The following ADGRV1 variants were observed in gnomAD, a reference collection of about 807,000 sequenced individuals.
ADGRV1 encodes the protein adhesion G protein-coupled receptor V1.
A neutral mutation model predicts 596.2 loss-of-function variants in ADGRV1; 359 were observed. That is an observed-to-expected ratio of 0.60 (90% CI 0.55 to 0.66). ADGRV1 has a LOEUF of 0.66. Ranked by LOEUF, ADGRV1 falls within the 30% of genes least tolerant of loss-of-function variation. The probability of loss-of-function intolerance (pLI) is 0.00; values close to 1 mark genes in which losing one functional copy is unlikely to be tolerated. For synonymous variants in ADGRV1, 2,681 were observed against 2,679.2 expected (o/e 1.00, Z -0.02); for missense variants, 7,274 against 7,575.6 (o/e 0.96, Z 1.48).
At chr5:90,925,080 T>TG (rs1444682052) in intron 83 of ADGRV1, among the ~76,000 whole-genome samples, 4 of 151,994 alleles carry the variant, frequency 2.6e-5, no homozygotes, top group East Asian at 1.9e-4. Flanking sequence ...CCTCCAGCTT[T>TG]TTCTTTTGGC....
Position 90,703,650 on chromosome 5 carries a change from AC to A in ADGRV1, c.8156-14del. The A allele has an allele frequency of 6.4e-7, 1 of 1,574,300 alleles. No homozygotes were observed. The highest frequency in any genetic ancestry group is 8.7e-7 in the Non-Finnish European group (1 of 1,151,830). ...TTCCATTAAGTATTTATCAATTTAC[AC>A]ATTTTACTTGCAGGAGAAATTTTAC... is the stretch of plus-strand genomic sequence containing the variant. On this transcript the variant is annotated splice_polypyrimidine_tract_variant and intron_variant, in intron 34 of 89. Transcript: ENST00000405460.
Position 90,779,113 on chromosome 5 carries a change from A to C in ADGRV1, c.13082+16A>C, listed in dbSNP as rs1272208822. 6.8e-7 allele frequency: 1 copy of C among 1,480,094 alleles called. No homozygotes were observed. The highest frequency in any genetic ancestry group is 9.4e-7 in the Non-Finnish European group (1 of 1,062,028). 91.7% of individuals were successfully genotyped at this position (1,480,094 alleles called of 1,614,324 possible). ...TCCAGGGAAGGTAAAGGAGAAAGGC[A>C]ATTAGGAAAAAGAAAGCAAAGAGCA... On this transcript the variant is annotated intron_variant, in intron 64 of 89. Transcript: ENST00000405460.
chr5:91,155,721 G>A (rs931344205), intron 89 of ADGRV1, among the ~76,000 whole-genome samples: 8 of 152,174 alleles, frequency 5.3e-5, no homozygotes, highest in Non-Finnish European at 8.8e-5. Context: ...AATGCTATTC[G>A]GATGCCATGG....
chr5:91,099,539 G>A (rs1380418514), intron 86 of ADGRV1, among the ~76,000 whole-genome samples: 3 of 152,172 alleles, frequency 2.0e-5, no homozygotes, highest in African/African-American at 4.8e-5. Flanking sequence ...CCACCTGAGC[G>A]AGGGAATGGG....
chr5:90,595,024 C>T (rs1760090393), intron 1 of ADGRV1, among the ~76,000 whole-genome samples: 3 of 145,850 alleles, frequency 2.1e-5, no homozygotes, highest in Admixed American at 2.0e-4. Context: ...GGGGTGGTGG[C>T]CGGGCAGAGG....
At chr5:90,755,215 A>G in intron 55 of ADGRV1, 30 bp downstream of exon 55, 10 of 1,415,056 alleles carry the variant, frequency 7.1e-6, no homozygotes, top group Non-Finnish European at 9.6e-6. Context: ...AATGTGATCT[A>G]AAATAGAGGA....
chr5:90,911,069 A>T (rs1463464142), intron 83 of ADGRV1, among the ~76,000 whole-genome samples: 1 of 152,184 alleles, frequency 6.6e-6, no homozygotes, highest in East Asian at 1.9e-4. Context: ...ACAGCGAGTA[A>T]TTCGTGTGTT....
At chr5:91,067,263 C>T (rs1787963221) in intron 85 of ADGRV1, among the ~76,000 whole-genome samples, 1 of 150,328 alleles carries the variant, frequency 6.7e-6, no homozygotes, top group African/African-American at 2.5e-5. Flanking sequence ...CCTGCCTTAG[C>T]CTTCCGAGTA....
At chr5:91,120,401 G>C (rs1793206804) in intron 87 of ADGRV1, among the ~76,000 whole-genome samples, 1 of 152,180 alleles carries the variant, frequency 6.6e-6, no homozygotes, top group Admixed American at 6.5e-5. Context: ...CAAACTGTCG[G>C]CAGGCAGTAT....
intron 84 of ADGRV1, among the ~76,000 whole-genome samples, chr5:90,979,958 A>T (rs558288043): frequency 8.5e-5 from 13 of 152,350 alleles, no homozygotes; most frequent in African/African-American, 3.1e-4. Flanking sequence ...CTGGACCTTT[A>T]CTTCTGGATG....
intron 85 of ADGRV1, among the ~76,000 whole-genome samples, chr5:91,002,094 A>G (rs13355688): frequency 0.21 from 32,108 of 152,010 alleles, 3,568 homozygotes; most frequent in East Asian, 0.36. Context: ...AGATCTTAAT[A>G]TTTTTATTTC....
chr5:90,972,835 A>T (rs182193823), intron 84 of ADGRV1, among the ~76,000 whole-genome samples: 4,212 of 152,260 alleles, frequency 0.028, 174 homozygotes, highest in African/African-American at 0.095. Context: ...AGCAGAAGAC[A>T]AGAAATAACT....
chr5:90,864,868 G>T (rs1193473867), intron 83 of ADGRV1, among the ~76,000 whole-genome samples: 2 of 152,100 alleles, frequency 1.3e-5, no homozygotes, highest in African/African-American at 4.8e-5. Context: ...TTGGGTGCTG[G>T]TCATATGTGT....
intron 68 of ADGRV1, among the ~76,000 whole-genome samples, chr5:90,789,237 C>T (rs1160521586): frequency 6.6e-6 from 1 of 152,076 alleles, no homozygotes; most frequent in Non-Finnish European, 1.5e-5. Context: ...CTCCAAAATA[C>T]CTTCACAGTG....
intron 83 of ADGRV1, among the ~76,000 whole-genome samples, chr5:90,911,624 A>G (rs1416380522): frequency 6.6e-6 from 1 of 152,184 alleles, no homozygotes; most frequent in Non-Finnish European, 1.5e-5. Context: ...GTTGACCTTG[A>G]AACTTCTCAT....
At chr5:90,912,859 A>G (rs999517646) in intron 83 of ADGRV1, among the ~76,000 whole-genome samples, 2 of 152,090 alleles carry the variant, frequency 1.3e-5, no homozygotes, top group African/African-American at 2.4e-5. Flanking sequence ...TTGCTATTGT[A>G]AATAGTCCAG....
chr5:91,063,872 G>T (rs1483441398), intron 85 of ADGRV1, among the ~76,000 whole-genome samples: 1 of 152,026 alleles, frequency 6.6e-6, no homozygotes, highest in Non-Finnish European at 1.5e-5. Flanking sequence ...TGGTGGTGGT[G>T]GTGATGGTGG....
chr5:90,652,140 C>T (rs77937414), intron 18 of ADGRV1, among the ~76,000 whole-genome samples: 1,915 of 152,238 alleles, frequency 0.013, 39 homozygotes, highest in African/African-American at 0.044. Flanking sequence ...ATTTTGAAGA[C>T]AAGACTTTTA....
In ADGRV1 at chr5:91,071,565, G is replaced by A. The variant is rs530467686; in HGVS notation, c.18153-882G>A. 1.9e-3 allele frequency among the ~76,000 whole-genome samples: 295 copies of A among 152,238 alleles called. 1 individual carries two copies. The highest frequency in any genetic ancestry group is 3.4e-3 in the Middle Eastern group (1 of 294). On this transcript the variant is annotated intron_variant, in intron 85 of 89. Transcript: ENST00000405460. ...ATTTTCGTTGAAGTCTAGAAATGATGGGTTAAACAAAATTTACTAAATGCT... is the reference window on the plus strand; with the variant it reads ...ATTTTCGTTGAAGTCTAGAAATGATAGGTTAAACAAAATTTACTAAATGCT...
Sources: allele counts gnomAD v4.1 joint callset (sites outside exome capture counted in the v4.1 genomes callset), GRCh38; gene constraint gnomAD v4.1.1; transcripts MANE v1.5; gene names NCBI Gene and HGNC (gene_info 2026-07-23, HGNC 2026-07-21).